Variants in MAPK10 observed in about 807,000 individuals in gnomAD.
The protein encoded by MAPK10 is JNK3 alpha protein kinase.
A neutral mutation model predicts 59.3 loss-of-function variants in MAPK10; 25 were observed. The observed-to-expected ratio is 0.42, with a 90% CI of 0.31 to 0.59. The LOEUF is 0.59. Ranked by LOEUF, MAPK10 falls within the 20% of genes least tolerant of loss-of-function variation. The pLI is 0.15. For synonymous variants in MAPK10, 190 were observed against 200.5 expected (o/e 0.95, Z 0.44); for missense variants, 351 against 568.9 (o/e 0.62, Z 3.90).
chr4:86,581,255 A>G (rs981248255), intron 1 of MAPK10, among the ~76,000 whole-genome samples: 2 of 152,004 alleles, frequency 1.3e-5, no homozygotes, highest in Non-Finnish European at 2.9e-5. Context: ...CTTGTCTGAA[A>G]TTTAAAAAAA....
At chr4:86,415,068 G>T (rs945231442) in intron 1 of MAPK10, among the ~76,000 whole-genome samples, 1 of 151,614 alleles carries the variant, frequency 6.6e-6, no homozygotes, top group Admixed American at 6.6e-5. Context: ...TGACCCTGGA[G>T]GTCGAGGCTG....
chr4:86,553,863 T>G (rs2149101259), intron 1 of MAPK10, among the ~76,000 whole-genome samples: 1 of 152,188 alleles, frequency 6.6e-6, no homozygotes, highest in South Asian at 2.1e-4. Context: ...TTTTCTTTAA[T>G]AGTTCCTTCT....
At chr4:86,167,728 A>C (rs550596814) in intron 3 of MAPK10, among the ~76,000 whole-genome samples, 8 of 152,314 alleles carry the variant, frequency 5.3e-5, no homozygotes, top group African/African-American at 1.9e-4. Context: ...CAAAATAATA[A>C]GAGCTGTTTA....
At chr4:86,082,887 A>C (rs967202883) in intron 9 of MAPK10, among the ~76,000 whole-genome samples, 2 of 152,140 alleles carry the variant, frequency 1.3e-5, no homozygotes, top group African/African-American at 4.8e-5. Context: ...GTTGCACTGC[A>C]CTTTCATTGG....
chr4:86,535,135 C>T (rs1028968258), intron 1 of MAPK10, among the ~76,000 whole-genome samples: 5 of 152,060 alleles, frequency 3.3e-5, no homozygotes, highest in African/African-American at 1.2e-4. Flanking sequence ...TTTTTAGGTC[C>T]TTGTTTCCAT....
intron 1 of MAPK10, among the ~76,000 whole-genome samples, chr4:86,421,465 GC>G (rs1182176756): frequency 6.6e-6 from 1 of 152,088 alleles, no homozygotes; most frequent in Non-Finnish European, 1.5e-5. Context: ...TTCTAGCAGC[GC>G]CCCCTTGCAC....
intron 1 of MAPK10, among the ~76,000 whole-genome samples, chr4:86,587,140 T>C (rs1374436136): frequency 6.6e-6 from 1 of 152,248 alleles, no homozygotes; most frequent in Non-Finnish European, 1.5e-5. Flanking sequence ...TGGAACATAT[T>C]CGCTATTCTT....
At chr4:86,062,964 T>C (rs897718878) in intron 11 of MAPK10, among the ~76,000 whole-genome samples, 11 of 152,132 alleles carry the variant, frequency 7.2e-5, no homozygotes, top group Non-Finnish European at 1.5e-4. Flanking sequence ...AAGAATCAAA[T>C]AAAATGACTA....
intron 2 of MAPK10, among the ~76,000 whole-genome samples, chr4:86,298,801 T>G (rs944689979): frequency 2.0e-5 from 3 of 152,218 alleles, no homozygotes; most frequent in African/African-American, 7.2e-5. Flanking sequence ...TTTTTCCTTG[T>G]ACTCAAATTC....
intron 2 of MAPK10, among the ~76,000 whole-genome samples, chr4:86,329,183 T>C (rs989242323): frequency 1.3e-5 from 2 of 152,154 alleles, no homozygotes; most frequent in Admixed American, 1.3e-4. Flanking sequence ...TTCTGTGCTT[T>C]ATAAATTATC....
chr4:86,190,697 G>C (rs1415274241), intron 3 of MAPK10, among the ~76,000 whole-genome samples: 1 of 152,028 alleles, frequency 6.6e-6, no homozygotes, highest in South Asian at 2.1e-4. Context: ...AAAAAAACCA[G>C]CTCCTGGATT....
chr4:86,179,358 A>G (rs2076391790), intron 3 of MAPK10, among the ~76,000 whole-genome samples: 1 of 152,132 alleles, frequency 6.6e-6, no homozygotes, highest in Admixed American at 6.6e-5. Flanking sequence ...AGAAATTAAA[A>G]AGGATACAAA....
At chr4:86,054,010 A>G (rs2044063260) in intron 11 of MAPK10, among the ~76,000 whole-genome samples, 1 of 152,200 alleles carries the variant, frequency 6.6e-6, no homozygotes, top group Non-Finnish European at 1.5e-5. Context: ...TCAAAAGATT[A>G]ATAGCACTCA....
At chr4:86,140,334 C>A (rs1270274674) in intron 4 of MAPK10, among the ~76,000 whole-genome samples, 13 of 138,634 alleles carry the variant, frequency 9.4e-5, no homozygotes, top group African/African-American at 3.9e-4. Flanking sequence ...ACATATACAC[C>A]ATGGAATACT....
chr4:86,046,908 G>A (rs1316065336), intron 11 of MAPK10, among the ~76,000 whole-genome samples: 2 of 152,000 alleles, frequency 1.3e-5, no homozygotes, highest in South Asian at 2.1e-4. Context: ...CTCTTTTTAC[G>A]CATCTTAAAT....
chr4:86,490,477 C>T (rs573795982), intron 1 of MAPK10, among the ~76,000 whole-genome samples: 62 of 152,226 alleles, frequency 4.1e-4, no homozygotes, highest in African/African-American at 1.4e-3. Flanking sequence ...TCAATTAATG[C>T]GAGATCAGAT....
intron 11 of MAPK10, among the ~76,000 whole-genome samples, chr4:86,055,788 G>A (rs2044432392): frequency 6.7e-6 from 1 of 149,536 alleles, no homozygotes; most frequent in Non-Finnish European, 1.5e-5. Flanking sequence ...AAATCCTTAA[G>A]TAACTCAAGT....
At chr4:86,145,982 C>T (rs982868857) in intron 4 of MAPK10, among the ~76,000 whole-genome samples, 1 of 152,180 alleles carries the variant, frequency 6.6e-6, no homozygotes, top group African/African-American at 2.4e-5. Context: ...TGGGAAAATA[C>T]AGTTGAAAAA....
intron 1 of MAPK10, among the ~76,000 whole-genome samples, chr4:86,507,371 C>G (rs976050320): frequency 6.6e-6 from 1 of 151,154 alleles, no homozygotes. Flanking sequence ...CAGAGTAGTG[C>G]GGAGAAAAAA....
Sources: gnomAD v4.1 joint callset for allele counts (sites outside exome capture counted in the v4.1 genomes callset) on GRCh38, gnomAD v4.1.1 for gene constraint, MANE v1.5 for transcripts, NCBI Gene and HGNC (gene_info 2026-07-23, HGNC 2026-07-21) for gene names.